The following TBX5 variants were observed in gnomAD, a reference collection of about 807,000 sequenced individuals.
TBX5 encodes T-box transcription factor TBX5.
In TBX5, 8 loss-of-function variants were observed where a neutral mutation model predicts 51.1. The observed-to-expected ratio is 0.16, with a 90% CI of 0.09 to 0.28. The LOEUF is 0.28. Among genes scored for constraint, TBX5 ranks in the 10% least tolerant of loss-of-function variants. The probability of loss-of-function intolerance (pLI) is 1.00; values close to 1 mark genes in which losing one functional copy is unlikely to be tolerated. For synonymous variants in TBX5, 302 were observed against 266.4 expected (o/e 1.13, Z -1.30); for missense variants, 589 against 671.7 (o/e 0.88, Z 1.36).
intron 7 of TBX5, among the ~76,000 whole-genome samples, chr12:114,377,960 A>G (rs1870285953): frequency 6.6e-6 from 1 of 152,116 alleles, no homozygotes; most frequent in Non-Finnish European, 1.5e-5. Flanking sequence ...TGGCTGAGAC[A>G]TCCTGGACTC....
At chr12:114,398,512 G>A in intron 5 of TBX5, 61 bp downstream of exon 5, 3 of 1,582,216 alleles carry the variant, frequency 1.9e-6, no homozygotes, top group African/African-American at 1.3e-5. Flanking sequence ...GAAACCCAGT[G>A]AGAAGAAGGG....
At chr12:114,402,696 T>C (rs1203788588) in intron 2 of TBX5, among the ~76,000 whole-genome samples, 1 of 152,030 alleles carries the variant, frequency 6.6e-6, no homozygotes, top group African/African-American at 2.4e-5. Flanking sequence ...ACAGAACCGA[T>C]GCAAATGTAT....
chr12:114,400,039 C>T (rs1307723832), intron 3 of TBX5, among the ~76,000 whole-genome samples: 1 of 152,184 alleles, frequency 6.6e-6, no homozygotes, highest in Non-Finnish European at 1.5e-5. Flanking sequence ...GAGGATCTGT[C>T]TAGCCAGGTG....
At chr12:114,408,287 T>C (rs1015550731), upstream of TBX5, 35 of 888,018 alleles carry the variant, frequency 3.9e-5, no homozygotes, top group African/African-American at 6.2e-4. Flanking sequence ...GGAATGAGGG[T>C]GATGAACATA....
chr12:114,403,087 G>C (rs1442004639), intron 2 of TBX5, among the ~76,000 whole-genome samples: 1 of 152,284 alleles, frequency 6.6e-6, no homozygotes, highest in Non-Finnish European at 1.5e-5. Flanking sequence ...TTTGGGCGCA[G>C]AGCGCAAGGT....
chr12:114,365,825 G>A (rs1395600031), intron 8 of TBX5, among the ~76,000 whole-genome samples: 1 of 93,060 alleles, frequency 1.1e-5, no homozygotes, highest in Non-Finnish European at 2.1e-5. Flanking sequence ...GCAAGATCCT[G>A]TCTCAAAAAA....
intron 6 of TBX5, among the ~76,000 whole-genome samples, chr12:114,390,484 C>T (rs567315813): frequency 1.3e-5 from 2 of 152,358 alleles, no homozygotes; most frequent in African/African-American, 4.8e-5. Flanking sequence ...ATACCAGCTC[C>T]AACTGAGACA....
Position 114,355,932 on chromosome 12 carries a change from G to A in TBX5, c.1157C>T (p.Pro386Leu), listed in dbSNP as rs771857554. ...CTCTAGGCTGGGCACAGGCTCGCTG[G>A]GGGGCGCAGAGCTGGCATACATGCA... is the stretch of plus-strand genomic sequence containing the variant. ...QACMYASSAP[P>L]SEPVPSLEDI... Residue 386 changes from proline (P) to leucine (L), a missense_variant, in exon 9 of 9, where the codon CCC becomes CTC. Transcript: ENST00000405440. 1.4e-5 allele frequency: 23 copies of A among 1,613,736 alleles called. No individual in the cohort carries two copies. The highest frequency in any genetic ancestry group is 8.0e-5 in the African/African-American group (6 of 74,934).
intron 7 of TBX5, among the ~76,000 whole-genome samples, chr12:114,383,220 C>T (rs1165076471): frequency 6.6e-6 from 1 of 152,084 alleles, no homozygotes; most frequent in Admixed American, 6.6e-5. Flanking sequence ...GCTGACCACA[C>T]AGTCTATGGC....
chr12:114,402,748 C>T (rs1333917476), intron 2 of TBX5, among the ~76,000 whole-genome samples: 3 of 152,040 alleles, frequency 2.0e-5, no homozygotes, highest in Non-Finnish European at 4.4e-5. Flanking sequence ...CACATACATG[C>T]ACACACAAAC....
intron 7 of TBX5, among the ~76,000 whole-genome samples, chr12:114,372,362 TG>T (rs1332161868): frequency 2.0e-5 from 3 of 152,072 alleles, no homozygotes; most frequent in Admixed American, 1.3e-4. Flanking sequence ...TGGAGTGAGG[TG>T]GCATGAACAT....
At chr12:114,374,523 T>C (rs1160329338) in intron 7 of TBX5, among the ~76,000 whole-genome samples, 1 of 152,200 alleles carries the variant, frequency 6.6e-6, no homozygotes, top group Non-Finnish European at 1.5e-5. Flanking sequence ...ATCCTATTTA[T>C]ATGAAATTCT....
At chr12:114,368,978 C>T (rs1869708796) in intron 7 of TBX5, among the ~76,000 whole-genome samples, 2 of 151,212 alleles carry the variant, frequency 1.3e-5, no homozygotes, top group South Asian at 4.2e-4. Flanking sequence ...ACAGCTCTTG[C>T]TTTGTGGTTC....
chr12:114,367,966 T>C (rs1869645437), intron 7 of TBX5, among the ~76,000 whole-genome samples: 1 of 152,202 alleles, frequency 6.6e-6, no homozygotes. Context: ...GAGAGGCCCA[T>C]GGCATCAAAC....
At chr12:114,395,700 T>C (rs11610620) in intron 5 of TBX5, among the ~76,000 whole-genome samples, 19,267 of 152,154 alleles carry the variant, frequency 0.13, 1,381 homozygotes, top group Middle Eastern at 0.18. Context: ...AACGGCTACA[T>C]CTGCTTTTTC....
chr12:114,375,988 T>C (rs1870163446), intron 7 of TBX5, among the ~76,000 whole-genome samples: 1 of 152,132 alleles, frequency 6.6e-6, no homozygotes, highest in South Asian at 2.1e-4. Context: ...GAAGCTGTAA[T>C]GAGCCCTGAT....
chr12:114,404,028 A>G, intron 1 of TBX5, 92 bp from the exon 2 acceptor site: 1 of 1,409,694 alleles, frequency 7.1e-7, no homozygotes, highest in Non-Finnish European at 9.7e-7. Flanking sequence ...GACAGGAGGG[A>G]GCAGTTTGGC....
chr12:114,404,733 G>A (rs929499671), intron 1 of TBX5, among the ~76,000 whole-genome samples: 1 of 152,142 alleles, frequency 6.6e-6, no homozygotes, highest in South Asian at 2.1e-4. Context: ...TCTGATGCCG[G>A]GCGGGGGATG....
chr12:114,403,904 G>A lies in TBX5; in HGVS notation c.-6C>T. On this transcript the variant is annotated 5_prime_UTR_variant, in exon 2 of 9. Coordinates refer to ENST00000405440, the MANE Select transcript of TBX5 (RefSeq NM_181486.4). ...CCCTCGTCTGCGTCGGCCATGGTGC[G>A]CCCAGGGCCCTGTGCCCGCGCAAGG... is the stretch of plus-strand genomic sequence containing the variant. The A allele has an allele frequency of 1.2e-6, 2 of 1,610,942 alleles. No homozygotes were observed. The highest frequency in any genetic ancestry group is 1.7e-6 in the Non-Finnish European group (2 of 1,179,762).
Sources: gnomAD v4.1 joint callset for allele counts (sites outside exome capture counted in the v4.1 genomes callset) on GRCh38, gnomAD v4.1.1 for gene constraint, MANE v1.5 for transcripts, NCBI Gene and HGNC (gene_info 2026-07-23, HGNC 2026-07-21) for gene names.